CHM: variants seen among roughly 807,000 people sequenced by gnomAD.
The protein encoded by CHM is CHM Rab escort protein, also known as rab proteins geranylgeranyltransferase component A 1.
Under a neutral mutation model 49.0 loss-of-function variants are expected in CHM, and 10 were observed. The ratio of observed to expected loss-of-function variants is 0.20; its 90% CI spans 0.13 to 0.35. The LOEUF (loss-of-function observed/expected upper bound fraction) is 0.35, where lower values mean the gene tolerates loss of function less well. Ranked by LOEUF, CHM falls within the 10% of genes least tolerant of loss-of-function variation. The probability of loss-of-function intolerance (pLI) is 1.00; values close to 1 mark genes in which losing one functional copy is unlikely to be tolerated. For missense variants in CHM, 455 were observed against 478.4 expected (o/e 0.95, Z 0.46); for synonymous variants, 184 against 167.5 (o/e 1.10, Z -0.76).
In CHM at chrX:86,047,526, C is replaced by T. The variant is rs1934697086; in HGVS notation, c.7G>A (p.Asp3Asn). The T allele has an allele frequency of 8.3e-7, 1 of 1,205,834 alleles. No homozygotes were observed. Among genetic ancestry groups the T allele is most frequent in the Non-Finnish European group, 1.1e-6 (1 of 891,575 alleles). ...ACATCAAACTCCGAAGGGAGAGTAT[C>T]CGCCATCTTGACGGGAAACGTGTCA... is the stretch of plus-strand genomic sequence containing the variant. The part of the protein sequence containing the change: MA[D>N]TLPSEFDVIV... The change falls in exon 1 of 15, where the codon GAT (aspartate) becomes AAT (asparagine). Residue 3 changes from aspartate to asparagine, a missense_variant. Physicochemically the swap from Asp to Asn is conservative, Grantham distance 23 (BLOSUM62 1). Coordinates refer to ENST00000357749, the MANE Select transcript of CHM (RefSeq NM_000390.4).
Position 85,861,525 on chromosome X carries a change from C to T in CHM, c.*3105G>A, listed in dbSNP as rs962105986. The T allele has an allele frequency of 9.0e-6, 1 of 111,561 alleles. No individual in the cohort carries two copies. The highest frequency in any genetic ancestry group is 3.3e-5 in the African/African-American group (1 of 30,687). The allele number at this position is 111,561 out of a possible 1,213,427, so 9.2% of individuals were successfully genotyped here. On this transcript the variant is annotated 3_prime_UTR_variant, in exon 15 of 15. Coordinates refer to ENST00000357749, the MANE Select transcript of CHM (RefSeq NM_000390.4). ...GACAAAGGGCTGACAATCTCAGAAA[C>T]TAGTTCTAGAAATTATCATCAATGT... is the stretch of plus-strand genomic sequence containing the variant.
intron 2 of CHM, among the ~76,000 whole-genome samples, chrX:86,020,336 T>G (rs1257377999): frequency 9.1e-6 from 1 of 110,431 alleles, no homozygotes; most frequent in Non-Finnish European, 1.9e-5. Context: ...AGCAGTAGTA[T>G]TAGTACCTGT....
intron 9 of CHM, among the ~76,000 whole-genome samples, chrX:85,905,586 T>TGGA (rs1418089463): frequency 9.0e-6 from 1 of 111,167 alleles, no homozygotes. Context: ...GGTGGAGGGG[T>TGGA]GGAGTATCAG....
At chrX:85,864,905 A>T (rs1210204765) in intron 14 of CHM, 84 bp from the exon 15 acceptor site, 5 of 950,609 alleles carry the variant, frequency 5.3e-6, no homozygotes, top group Non-Finnish European at 5.9e-6. Flanking sequence ...AAAAAAAAAT[A>T]AGTGTTTTAT....
intron 4 of CHM, among the ~76,000 whole-genome samples, chrX:85,964,469 C>A (rs1048085186): frequency 9.0e-6 from 1 of 110,681 alleles, no homozygotes; most frequent in East Asian, 2.8e-4. Flanking sequence ...ATCTATGACA[C>A]AGAGATAATA....
chrX:85,885,656 T>C (rs1925041794), intron 12 of CHM, among the ~76,000 whole-genome samples: 1 of 111,594 alleles, frequency 9.0e-6, no homozygotes. Context: ...ATTTGATTTA[T>C]TCAAGTATAA....
In CHM at chrX:85,963,989, T is replaced by C. The variant is rs1302376701; in HGVS notation, c.378A>G (p.Thr126=). The stretch of plus-strand genomic sequence containing the variant: ...CTGCAGCTTCTGTGGAGTTTGCAGA[T>C]GTCACAAGAGCATGATTTTTCTGCA... ...GALQKNHALV[T]SANSTEAADS... is the part of the protein sequence containing the mutation. The change falls in exon 5 of 15, where the codon ACA becomes ACG. Residue 126 remains threonine, a synonymous_variant. Coordinates refer to ENST00000357749, the MANE Select transcript of CHM (RefSeq NM_000390.4). 56 of 1,207,445 alleles carry C rather than the reference T, an allele frequency of 4.6e-5. No individual in the cohort carries two copies. The highest frequency in any genetic ancestry group is 6.0e-5 in the Non-Finnish European group (54 of 894,290).
At chrX:86,007,593 A>G (rs1932891105) in intron 2 of CHM, among the ~76,000 whole-genome samples, 1 of 112,451 alleles carries the variant, frequency 8.9e-6, no homozygotes, top group Admixed American at 9.4e-5. Flanking sequence ...AAAAGTGGGC[A>G]AAGGATATTA....
At chrX:86,021,126 G>GTGTATATA (rs1555967708) in intron 2 of CHM, among the ~76,000 whole-genome samples, 94 of 55,956 alleles carry the variant, frequency 1.7e-3, no homozygotes, top group African/African-American at 4.8e-3. Context: ...GTGTATATAC[G>GTGTATATA]TATATATATA....
chrX:85,918,706 A>T (rs1259883959), intron 8 of CHM, among the ~76,000 whole-genome samples: 1 of 112,293 alleles, frequency 8.9e-6, no homozygotes, highest in East Asian at 2.8e-4. Flanking sequence ...AGTTGGAAAA[A>T]GATTCATCAA....
intron 4 of CHM, 55 bp from the exon 5 acceptor site, chrX:85,964,107 C>T: frequency 9.2e-7 from 1 of 1,082,933 alleles, no homozygotes. Context: ...TCCCTTACCC[C>T]TTTTATCAAG....
At chrX:85,975,780 T>C (rs916292605) in intron 4 of CHM, among the ~76,000 whole-genome samples, 1 of 112,288 alleles carries the variant, frequency 8.9e-6, no homozygotes, top group Non-Finnish European at 1.9e-5. Flanking sequence ...ACAAATGTGA[T>C]AAAATTGTAT....
chrX:85,961,875 T>C (rs1348128407), intron 5 of CHM, among the ~76,000 whole-genome samples: 1 of 110,997 alleles, frequency 9.0e-6, no homozygotes, highest in Admixed American at 9.6e-5. Flanking sequence ...TCCTTCAGGG[T>C]ATCTTCAAAT....
rs762823650 is a variant in CHM, at chrX:85,958,983, C to T, written c.703-6G>A. The T allele has an allele frequency of 8.3e-7, 1 of 1,205,062 alleles. No individual in the cohort carries two copies. Among genetic ancestry groups the T allele is most frequent in the African/African-American group, 1.8e-5 (1 of 56,721 alleles). Reference sequence around the variant, plus strand: ...AATCCTCGAGAATACAGCAGCTGTACAAAGAAAATATTTTACAAGATAAAA... The same window carrying T: ...AATCCTCGAGAATACAGCAGCTGTATAAAGAAAATATTTTACAAGATAAAA... On this transcript the variant is annotated splice_region_variant and splice_polypyrimidine_tract_variant and intron_variant, in intron 5 of 14. Transcript: ENST00000357749.
In CHM at chrX:85,925,135, C is replaced by T. The variant is rs949740281; in HGVS notation, c.1167-13797G>A. On this transcript the variant is annotated intron_variant, in intron 8 of 14. Coordinates refer to ENST00000357749, the MANE Select transcript of CHM (RefSeq NM_000390.4). ...AAATTATAGACTACAAGTGATCACTCAATCTTTAAAACATAAAGCCTTCTA... is the reference window on the plus strand; with the variant it reads ...AAATTATAGACTACAAGTGATCACTTAATCTTTAAAACATAAAGCCTTCTA... Among the ~76,000 whole-genome samples, 3 of 111,378 alleles carry T rather than the reference C, an allele frequency of 2.7e-5. No individual in the cohort carries two copies. In the Admixed American group the frequency reaches 2.9e-4, roughly 11 times the overall value.
chrX:86,027,854 C>T (rs1438402803), intron 1 of CHM, among the ~76,000 whole-genome samples: 1 of 110,599 alleles, frequency 9.0e-6, no homozygotes, highest in Non-Finnish European at 1.9e-5. Context: ...ACCTCCGACT[C>T]CCTGGTTCAA....
chrX:85,992,794 G>C (rs759274942), intron 2 of CHM, among the ~76,000 whole-genome samples: 1 of 112,267 alleles, frequency 8.9e-6, no homozygotes, highest in Non-Finnish European at 1.9e-5. Flanking sequence ...TTGGTTTTAA[G>C]AGAGCCCTAT....
chrX:85,986,893 G>A (rs775082047), intron 2 of CHM, among the ~76,000 whole-genome samples: 7 of 109,776 alleles, frequency 6.4e-5, no homozygotes, highest in Admixed American at 9.8e-5. Flanking sequence ...GGAGGATGGA[G>A]AAACCCAACC....
chrX:86,046,600 T>C (rs925353465), intron 1 of CHM, among the ~76,000 whole-genome samples: 1 of 111,030 alleles, frequency 9.0e-6, no homozygotes, highest in Admixed American at 9.5e-5. Context: ...CTACAAACAG[T>C]AAAAAACCCC....
Sources: allele counts gnomAD v4.1 joint callset (sites outside exome capture counted in the v4.1 genomes callset), GRCh38; gene constraint gnomAD v4.1.1; transcripts MANE v1.5; gene names NCBI Gene and HGNC (gene_info 2026-07-23, HGNC 2026-07-21).